The following ANKRD36 variants were observed in gnomAD, a reference collection of about 807,000 sequenced individuals.
The protein encoded by ANKRD36 is ankyrin repeat domain-containing protein 36A.
Under a neutral mutation model 278.1 loss-of-function variants are expected in ANKRD36, and 179 were observed. That is an observed-to-expected ratio of 0.64 (90% confidence interval 0.57 to 0.73). ANKRD36 has a LOEUF of 0.73. Among genes scored for constraint, ANKRD36 ranks in the 30% least tolerant of loss-of-function variants. ANKRD36 has a pLI of 0.00. For missense variants in ANKRD36, 1,159 were observed against 1,956.7 expected (o/e 0.59, Z 7.69); for synonymous variants, 320 against 641.1 (o/e 0.50, Z 7.57).
intron 6 of ANKRD36, among the ~76,000 whole-genome samples, chr2:97,133,170 A>AT (rs2040609452): frequency 2.0e-5 from 3 of 152,044 alleles, no homozygotes; most frequent in African/African-American, 7.2e-5. Flanking sequence ...TGTTATATGC[A>AT]TTATTTTCTT....
At chr2:97,205,239 T>A (rs553958265) in intron 50 of ANKRD36, among the ~76,000 whole-genome samples, 2 of 151,400 alleles carry the variant, frequency 1.3e-5, no homozygotes, top group Admixed American at 1.3e-4. Flanking sequence ...AATTGATAAT[T>A]GATGATATTT....
At chr2:97,156,966 G>T (rs993658017) in intron 15 of ANKRD36, among the ~76,000 whole-genome samples, 4 of 151,820 alleles carry the variant, frequency 2.6e-5, no homozygotes, top group African/African-American at 9.7e-5. Flanking sequence ...TTTCTCTGAT[G>T]GCCAGTGATG....
intron 22 of ANKRD36, among the ~76,000 whole-genome samples, chr2:97,178,408 GC>G (rs1339351098): frequency 6.6e-6 from 1 of 151,836 alleles, no homozygotes; most frequent in Non-Finnish European, 1.5e-5. Flanking sequence ...ATTCACAATA[GC>G]AAAGACTTGG....
At chr2:97,164,508 G>C (rs1251728132) in intron 20 of ANKRD36, 39 bp downstream of exon 20, 1 of 1,524,698 alleles carries the variant, frequency 6.6e-7, no homozygotes, top group Admixed American at 2.0e-5. Context: ...AGAAAATGTA[G>C]ATGAAAATAT....
intron 67 of ANKRD36, among the ~76,000 whole-genome samples, chr2:97,225,307 A>G (rs1305284910): frequency 1.3e-5 from 2 of 152,078 alleles, no homozygotes; most frequent in African/African-American, 2.4e-5. Context: ...CACTAATACC[A>G]AGGTTAAAAA....
chr2:97,248,516 G>A (rs1291777997), intron 72 of ANKRD36: 1 of 116,930 alleles, frequency 8.6e-6, no homozygotes, highest in Non-Finnish European at 1.5e-5. Context: ...TGACTTTGTC[G>A]ATTTTAATTT....
At chr2:97,184,202 C>G (rs911042205) in intron 28 of ANKRD36, among the ~76,000 whole-genome samples, 1 of 151,666 alleles carries the variant, frequency 6.6e-6, no homozygotes, top group East Asian at 1.9e-4. Flanking sequence ...GAACTCACTT[C>G]AGATGCATTT....
Position 97,158,581 on chromosome 2 carries a change from A to G in ANKRD36, c.1322-7A>G, listed in dbSNP as rs1433484034. The G allele has an allele frequency of 6.5e-7, 1 of 1,535,228 alleles. No individual in the cohort carries two copies. The highest frequency in any genetic ancestry group is 8.7e-7 in the Non-Finnish European group (1 of 1,146,474). On this transcript the variant is annotated splice_region_variant and splice_polypyrimidine_tract_variant and intron_variant, in intron 16 of 75. Transcript: ENST00000420699. ...TTCATCTACTCTTGACTTTGTTTTTACTGTAGTAGATGCTGCATGTGGCAT... is the reference window on the plus strand; with the variant it reads ...TTCATCTACTCTTGACTTTGTTTTTGCTGTAGTAGATGCTGCATGTGGCAT...
At chr2:97,227,107 G>A (rs542918919) in intron 67 of ANKRD36, among the ~76,000 whole-genome samples, 437 of 152,144 alleles carry the variant, frequency 2.9e-3, no homozygotes, top group African/African-American at 9.2e-3. Flanking sequence ...TTAGTGATGC[G>A]GGCTCTTTTT....
intron 34 of ANKRD36, among the ~76,000 whole-genome samples, chr2:97,189,981 A>T (rs1264140958): frequency 1.2e-5 from 1 of 83,246 alleles, no homozygotes; most frequent in South Asian, 2.7e-4. Flanking sequence ...GGCATCAGAG[A>T]TACATGTTTT....
intron 50 of ANKRD36, among the ~76,000 whole-genome samples, chr2:97,204,581 A>T (rs2062328340): frequency 6.6e-6 from 1 of 151,200 alleles, no homozygotes; most frequent in South Asian, 2.1e-4. Flanking sequence ...GTGGAGGGGA[A>T]AAGAGAGGAA....
At chr2:97,155,685 C>T (rs1278283523) in intron 15 of ANKRD36, among the ~76,000 whole-genome samples, 3 of 146,150 alleles carry the variant, frequency 2.1e-5, no homozygotes, top group African/African-American at 7.3e-5. Flanking sequence ...AAAATCCACT[C>T]AGGGTCTTTG....
intron 67 of ANKRD36, among the ~76,000 whole-genome samples, chr2:97,230,433 C>T (rs1384034279): frequency 1.3e-5 from 2 of 152,120 alleles, no homozygotes; most frequent in Non-Finnish European, 2.9e-5. Flanking sequence ...ATTGCATCGG[C>T]TCCTGAGGCT....
rs1328536547 is a variant in ANKRD36 at position 97,194,895 on chromosome 2, G to A, written c.2529G>A (p.Lys843=). Reference sequence around the variant, plus strand: ...TTTCGAATATAACCAGAGGAAAAAAGGATGGAGAAATATCTAGGAAAGGTA... The same window carrying A: ...TTTCGAATATAACCAGAGGAAAAAAAGATGGAGAAATATCTAGGAAAGGTA... The part of the protein sequence containing the change: ...DSFSNITRGK[K]DGEISRKVSS... The change falls in exon 40 of 76, where the codon AAG becomes AAA. Residue 843 remains lysine (K), a synonymous_variant. Coordinates refer to ENST00000420699, the MANE Select transcript of ANKRD36 (RefSeq NM_001354587.1). 7.0e-6 allele frequency: 11 copies of A among 1,561,146 alleles called. No homozygotes were observed. The highest frequency in any genetic ancestry group is 4.8e-5 in the East Asian group (2 of 41,982).
At chr2:97,160,601 A>G (rs1241823534) in intron 17 of ANKRD36, among the ~76,000 whole-genome samples, 5 of 152,222 alleles carry the variant, frequency 3.3e-5, no homozygotes, top group Non-Finnish European at 7.4e-5. Context: ...GCATGGTGAC[A>G]TGATTATTTT....
chr2:97,120,671 G>A (rs995678859), intron 3 of ANKRD36, among the ~76,000 whole-genome samples: 46 of 151,714 alleles, frequency 3.0e-4, no homozygotes, highest in African/African-American at 1.1e-3. Flanking sequence ...TTGTATTCTT[G>A]GGCCTATTTT....
chr2:97,231,277 A>C (rs2071947733), intron 67 of ANKRD36, among the ~76,000 whole-genome samples: 1 of 152,116 alleles, frequency 6.6e-6, no homozygotes, highest in Non-Finnish European at 1.5e-5. Context: ...GGCCTCCTTG[A>C]GCTGTGGTGG....
chr2:97,199,441 A>T (rs1456208552), intron 44 of ANKRD36, among the ~76,000 whole-genome samples: 4 of 151,896 alleles, frequency 2.6e-5, no homozygotes, highest in Admixed American at 6.6e-5. Flanking sequence ...TAGCTATTTA[A>T]TGACACTTCT....
intron 67 of ANKRD36, among the ~76,000 whole-genome samples, chr2:97,227,067 C>T (rs1235572164): frequency 3.9e-5 from 6 of 152,122 alleles, no homozygotes; most frequent in Admixed American, 3.3e-4. Context: ...CGTGATGCCT[C>T]CAGCCTTGTT....
Sources: gnomAD v4.1 joint callset for allele counts (sites outside exome capture counted in the v4.1 genomes callset) on GRCh38, gnomAD v4.1.1 for gene constraint, MANE v1.5 for transcripts, NCBI Gene and HGNC (gene_info 2026-07-23, HGNC 2026-07-21) for gene names.